FOXN1: variants seen among roughly 807,000 people sequenced by gnomAD.
FOXN1 encodes forkhead box N1.
A neutral mutation model predicts 49.0 loss-of-function variants in FOXN1; 15 were observed. The ratio of observed to expected loss-of-function variants is 0.31; its 90% CI spans 0.20 to 0.47. FOXN1 has a LOEUF of 0.47. Ranked by LOEUF, FOXN1 falls within the 20% of genes least tolerant of loss-of-function variation. FOXN1 has a pLI of 1.00. For missense variants in FOXN1, 800 were observed against 842.8 expected, an observed-to-expected ratio of 0.95 and a Z score of 0.63; for synonymous variants, 356 against 369.0, an observed-to-expected ratio of 0.96 and a Z score of 0.40.
At chr17:28,518,164 A>G (rs996741315) in intron 1 of FOXN1, among the ~76,000 whole-genome samples, 1 of 151,974 alleles carries the variant, frequency 6.6e-6, no homozygotes, top group Admixed American at 6.5e-5. Flanking sequence ...ACACACCTTC[A>G]TAGGATCCAT....
intron 2 of FOXN1, 118 bp downstream of exon 2, chr17:28,524,210 A>T: frequency 9.4e-7 from 1 of 1,065,746 alleles, no homozygotes. Flanking sequence ...TGTCCCCTCC[A>T]CCAGCAAACA....
At chr17:28,518,947 A>G (rs1046805260) in intron 1 of FOXN1, among the ~76,000 whole-genome samples, 8 of 152,186 alleles carry the variant, frequency 5.3e-5, no homozygotes, top group African/African-American at 1.7e-4. Context: ...GTCAGCTTTC[A>G]AAAGTAAATA....
intron 1 of FOXN1, among the ~76,000 whole-genome samples, chr17:28,522,456 G>A (rs1458731316): frequency 6.6e-6 from 1 of 152,160 alleles, no homozygotes; most frequent in East Asian, 1.9e-4. Context: ...AGACCAGCCT[G>A]GCCAAAATAG....
intron 1 of FOXN1, among the ~76,000 whole-genome samples, chr17:28,512,524 A>G (rs1597531103): frequency 6.6e-6 from 1 of 152,370 alleles, no homozygotes; most frequent in Middle Eastern, 3.4e-3. Context: ...ATGCACTTTT[A>G]GTCTCATATA....
In FOXN1 at chr17:28,537,278, T is replaced by C. The variant is rs1164680478; in HGVS notation, c.1789T>C (p.Leu597=). Residue 597 remains leucine, a synonymous_variant, in exon 9 of 9, where the codon TTG becomes CTG. Coordinates refer to ENST00000579795, the MANE Select transcript of FOXN1 (RefSeq NM_001369369.1). Reference sequence around the variant, plus strand: ...AGAGACAGGCAGTGGGGCAGGTGACTTGGCAGCCCCGGGCAGTGGTGGCTC... The same window carrying C: ...AGAGACAGGCAGTGGGGCAGGTGACCTGGCAGCCCCGGGCAGTGGTGGCTC... The part of the protein sequence containing the change: ...LTETGSGAGD[L]AAPGSGGSGA... The C allele has an allele frequency of 1.2e-6, 2 of 1,613,918 alleles. No homozygotes were observed. The highest frequency in any genetic ancestry group is 3.3e-5 in the Admixed American group (2 of 59,988).
rs535522153 is a variant in FOXN1 at position 28,527,306 on chromosome 17, G to T, written c.644G>T (p.Cys215Phe). Residue 215 changes from cysteine (C) to phenylalanine (F), a missense_variant, in exon 4 of 9, where the codon TGC (cysteine) becomes TTC (phenylalanine). By Grantham distance (205) the Cys-to-Phe change is radical. Around this residue, in one of 3 missense-constraint regions of FOXN1, gnomAD observed 383 missense variants for 357.9 expected, o/e 1.07. Coordinates refer to ENST00000579795, the MANE Select transcript of FOXN1 (RefSeq NM_001369369.1). The part of the protein sequence containing the change: ...PVLESGAGMF[C>F]YQPPLQHMYC... ...CTGGAGAGTGGTGCTGGGATGTTCT[G>T]CTACCAGCCTCCCTTGCAGCATATG... The T allele has an allele frequency of 6.2e-7, 1 of 1,614,062 alleles. No individual in the cohort carries two copies. The highest frequency in any genetic ancestry group is 8.5e-7 in the Non-Finnish European group (1 of 1,179,952).
At chr17:28,536,010 T>C (rs930610707) in intron 8 of FOXN1, among the ~76,000 whole-genome samples, 2 of 152,222 alleles carry the variant, frequency 1.3e-5, no homozygotes, top group Non-Finnish European at 2.9e-5. Flanking sequence ...GCTCCGTCTC[T>C]GCAGATGGCT....
Position 28,527,347 on chromosome 17 carries a change from C to A in FOXN1, c.685C>A (p.Pro229Thr), listed in dbSNP as rs763958930. Residue 229 changes from proline (P) to threonine (T), a missense_variant, in exon 4 of 9, where the codon CCC becomes ACC. Pro to Thr is a conservative substitution (Grantham distance 38). This residue lies in a region of FOXN1 where 383 missense variants were observed against 357.9 expected (regional missense o/e 1.07). Transcript: ENST00000579795. Reference sequence around the variant, plus strand: ...GCAGCATATGTACTGCTCCTCCCAGCCCCCCTTCCACCAGGTGGGTCTGGG... The same window carrying A: ...GCAGCATATGTACTGCTCCTCCCAGACCCCCTTCCACCAGGTGGGTCTGGG... ...PLQHMYCSSQPPFHQYSPGGG... is the reference protein window; with the variant it reads ...PLQHMYCSSQTPFHQYSPGGG... 1.2e-6 allele frequency: 2 copies of A among 1,608,834 alleles called. No homozygotes were observed. The highest frequency in any genetic ancestry group is 2.7e-5 in the African/African-American group (2 of 74,902).
chr17:28,514,280 TG>T (rs754938070), intron 1 of FOXN1, among the ~76,000 whole-genome samples: 1 of 152,052 alleles, frequency 6.6e-6, no homozygotes, highest in Non-Finnish European at 1.5e-5. Flanking sequence ...GGGGACATGG[TG>T]GCTTTTCATC....
intron 6 of FOXN1, among the ~76,000 whole-genome samples, chr17:28,531,180 A>G (rs1397802951): frequency 6.6e-6 from 1 of 152,190 alleles, no homozygotes; most frequent in African/African-American, 2.4e-5. Flanking sequence ...TGGAGAAGAA[A>G]TAAGACACTA....
intron 1 of FOXN1, among the ~76,000 whole-genome samples, chr17:28,517,933 A>G (rs1477606836): frequency 7.1e-6 from 1 of 140,704 alleles, no homozygotes; most frequent in African/African-American, 3.1e-5. Context: ...TCCACAGGGT[A>G]CAGACCTCCA....
At chr17:28,522,217 A>G (rs997092369) in intron 1 of FOXN1, among the ~76,000 whole-genome samples, 12 of 152,200 alleles carry the variant, frequency 7.9e-5, no homozygotes. Context: ...AAACCATCCA[A>G]ATTGTTCACA....
At chr17:28,506,937 G>A (rs555095653) in intron 1 of FOXN1, among the ~76,000 whole-genome samples, 116 of 152,344 alleles carry the variant, frequency 7.6e-4, no homozygotes, top group Middle Eastern at 3.4e-3. Context: ...ACGCAGCCTG[G>A]GCTGGGGTCT....
At chr17:28,520,221 G>T (rs1203322511) in intron 1 of FOXN1, among the ~76,000 whole-genome samples, 1 of 152,172 alleles carries the variant, frequency 6.6e-6, no homozygotes, top group African/African-American at 2.4e-5. Flanking sequence ...GCTACTCCAG[G>T]GAAGGGTCAG....
At position 28,524,070 on chromosome 17, in the gene FOXN1, C is replaced by G; in HGVS notation, c.101C>G (p.Pro34Arg). 3 of 1,607,286 alleles carry G rather than the reference C, an allele frequency of 1.9e-6. No individual in the cohort carries two copies. Among genetic ancestry groups the G allele is most frequent in the Non-Finnish European group, 2.5e-6 (3 of 1,178,138 alleles). The change falls in exon 2 of 9, where the codon CCA becomes CGA. Residue 34 changes from proline to arginine, a missense_variant. This residue lies in a region of FOXN1 where 383 missense variants were observed against 357.9 expected (regional missense o/e 1.07). Transcript: ENST00000579795. ...GACCTCATGCAGGCACCGGGCCTCC[C>G]AGGCTCCCCTGCCCCACAGAGTGTA... ...QGDLMQAPGL[P>R]GSPAPQSKHA...
At chr17:28,530,898 G>A (rs2069897286) in intron 6 of FOXN1, 53 bp downstream of exon 6, 14 of 1,012,526 alleles carry the variant, frequency 1.4e-5, no homozygotes, top group Middle Eastern at 2.0e-4. Flanking sequence ...GGACAGGCCA[G>A]GCCTCTCTGA....
intron 1 of FOXN1, among the ~76,000 whole-genome samples, chr17:28,510,555 G>GACAC (rs5819849): frequency 5.3e-5 from 7 of 132,872 alleles, no homozygotes; most frequent in South Asian, 2.3e-4. Flanking sequence ...CATGAGGAAG[G>GACAC]ACACACACAC....
intron 1 of FOXN1, among the ~76,000 whole-genome samples, chr17:28,523,058 G>A (rs2069673580): frequency 6.6e-6 from 1 of 152,154 alleles, no homozygotes; most frequent in Non-Finnish European, 1.5e-5. Flanking sequence ...TGAGAGGAAG[G>A]GCCAACCCCG....
chr17:28,524,864 C>T lies in FOXN1; in HGVS notation c.485C>T (p.Pro162Leu). The stretch of plus-strand genomic sequence containing the variant: ...CCGCTGGAGGCCTTCGAGGAGATCC[C>T]AGTGGACGTGGCGGAGGCCGAGGCC... ...PGPLEAFEEI[P>L]VDVAEAEAFL... The change falls in exon 3 of 9, where the codon CCA becomes CTA. Residue 162 changes from proline to leucine, a missense_variant. Pro to Leu is a moderately conservative substitution (Grantham distance 98). This residue lies in a region of FOXN1 where 383 missense variants were observed against 357.9 expected (regional missense o/e 1.07). Transcript: ENST00000579795. 6.2e-7 allele frequency: 1 copy of T among 1,613,750 alleles called. No homozygotes were observed. Among genetic ancestry groups the T allele is most frequent in the Non-Finnish European group, 8.5e-7 (1 of 1,180,022 alleles).
Sources: gnomAD v4.1 joint callset for allele counts (sites outside exome capture counted in the v4.1 genomes callset) on GRCh38, gnomAD v4.1.1 for gene constraint, gnomAD v4.1.1 regional missense constraint, MANE v1.5 for transcripts, NCBI Gene and HGNC (gene_info 2026-07-23, HGNC 2026-07-21) for gene names.